Variants in PCOLCE observed in about 807,000 individuals in gnomAD.
The protein encoded by PCOLCE is procollagen C-endopeptidase enhancer 1.
Under a neutral mutation model 47.2 loss-of-function variants are expected in PCOLCE, and 33 were observed. That is an observed-to-expected ratio of 0.70 (90% CI 0.53 to 0.93). PCOLCE has a LOEUF of 0.93. Ranked by LOEUF, PCOLCE falls within the 40% of genes least tolerant of loss-of-function variation. The pLI is 0.00. For missense variants in PCOLCE, 584 were observed against 585.3 expected (o/e 1.00, Z 0.02); for synonymous variants, 254 against 252.5 (o/e 1.01, Z -0.06).
In PCOLCE at chr7:100,602,433, C is replaced by A; in HGVS notation, c.-24C>A. 6.6e-7 allele frequency: 1 copy of A among 1,509,762 alleles called. No homozygotes were observed. Among genetic ancestry groups the A allele is most frequent in the African/African-American group, 1.4e-5 (1 of 73,128 alleles). 93.5% of individuals were successfully genotyped at this position (1,509,762 alleles called of 1,614,324 possible). Reference sequence around the variant, plus strand: ...TCAGCTGCTGCCTCTGTCTTGAGGACCCCAGCGCCTTTCCCCCGGGGCCAT... The same window carrying A: ...TCAGCTGCTGCCTCTGTCTTGAGGAACCCAGCGCCTTTCCCCCGGGGCCAT... On this transcript the variant is annotated 5_prime_UTR_variant, in exon 1 of 9. Transcript: ENST00000223061.
intron 1 of PCOLCE, chr7:100,603,101 C>G: frequency 3.5e-6 from 1 of 284,666 alleles, no homozygotes; most frequent in Non-Finnish European, 6.5e-6. Flanking sequence ...CGGCTCCTGT[C>G]CCTGGACTGC....
rs1311787241 is a variant in PCOLCE, at chr7:100,607,651, G to C, written c.1027G>C (p.Val343Leu). ...TTCTCCCACAGTGGTGACTGCGACA[G>C]TGAAGTCCATGGTTCGGGAGCCAGG... ...CASSLVVTAT[V>L]KSMVREPGEG... The change falls in exon 8 of 9, where the codon GTG becomes CTG. Residue 343 changes from valine to leucine, a missense_variant. Coordinates refer to ENST00000223061, the MANE Select transcript of PCOLCE (RefSeq NM_002593.4). 16 of 1,613,970 alleles carry C rather than the reference G, an allele frequency of 9.9e-6. No individual in the cohort carries two copies. The highest frequency in any genetic ancestry group is 1.3e-5 in the Non-Finnish European group (15 of 1,179,992).
chr7:100,602,814 T>G, intron 1 of PCOLCE: 3 of 518,760 alleles, frequency 5.8e-6, no homozygotes, highest in South Asian at 2.5e-5. Context: ...TGACCCCCCA[T>G]AGAACCCAAG....
chr7:100,606,666 T>G (rs1399027633), intron 6 of PCOLCE, 36 bp downstream of exon 6: 3 of 1,501,620 alleles, frequency 2.0e-6, no homozygotes, highest in Middle Eastern at 3.5e-4. Context: ...GGAAACAGAC[T>G]GAAGGGGGCC....
chr7:100,605,324 C>T lies in PCOLCE; in HGVS notation c.588+109C>T. On this transcript the variant is annotated intron_variant, in intron 4 of 8. Coordinates refer to ENST00000223061, the MANE Select transcript of PCOLCE (RefSeq NM_002593.4). This position sits in a 1 kb window ranked among gnomAD's most constrained non-coding sequence, Gnocchi z 6.1. ...TGCTGTGTCCCGAGCACTGCGCTTG[C>T]GCTGGTGGGCACCCAAAACAGCCCC... 1.7e-6 allele frequency: 2 copies of T among 1,172,532 alleles called. No individual in the cohort carries two copies. The highest frequency in any genetic ancestry group is 2.4e-6 in the Non-Finnish European group (2 of 840,198). 72.6% of individuals were successfully genotyped at this position (1,172,532 alleles called of 1,614,324 possible).
In PCOLCE at chr7:100,605,818, G is replaced by C; in HGVS notation, c.725+6G>C. 6.4e-7 allele frequency: 1 copy of C among 1,551,346 alleles called. No homozygotes were observed. The highest frequency in any genetic ancestry group is 8.7e-7 in the Non-Finnish European group (1 of 1,147,136). ...TGCGGCGACGCAGTCCCGGGGTGAGGGGCGGGACCTGGGCGAGTCCGGGAG... is the reference window on the plus strand; with the variant it reads ...TGCGGCGACGCAGTCCCGGGGTGAGCGGCGGGACCTGGGCGAGTCCGGGAG... On this transcript the variant is annotated splice_donor_region_variant and intron_variant, in intron 5 of 8. Transcript: ENST00000223061. The surrounding 1 kb of genome is among the most constrained non-coding windows in gnomAD (Gnocchi z 6.1).
At chr7:100,607,089 T>TAAAAAAA (rs1802729033) in intron 6 of PCOLCE, among the ~76,000 whole-genome samples, 1 of 84,450 alleles carries the variant, frequency 1.2e-5, no homozygotes, top group African/African-American at 4.7e-5. Context: ...AGATTCTGTC[T>TAAAAAAA]CAAAAAAAAA....
Position 100,608,114 on chromosome 7 carries a change from A to G in PCOLCE, c.*11A>G. On this transcript the variant is annotated 3_prime_UTR_variant, in exon 9 of 9. Coordinates refer to ENST00000223061, the MANE Select transcript of PCOLCE (RefSeq NM_002593.4). The stretch of plus-strand genomic sequence containing the variant: ...GCGTCCCAGGACTGAGACGCAGGCC[A>G]GCCCCGGCCCCTAGCCCTCAGGCCT... The G allele has an allele frequency of 1.2e-6, 2 of 1,611,224 alleles. No individual in the cohort carries two copies. The highest frequency in any genetic ancestry group is 1.7e-6 in the Non-Finnish European group (2 of 1,178,504).
Position 100,607,745 on chromosome 7 carries a change from C to T in PCOLCE, c.1121C>T (p.Pro374Leu), listed in dbSNP as rs955645778. ...ACTGGAGGACTGGACCTGCCTTCTC[C>T]ACCCACTGGTGCCTCCCTGAAGTTT... ...YKTGGLDLPS[P>L]PTGASLKFYV... The change falls in exon 8 of 9, where the codon CCA becomes CTA. Residue 374 changes from proline (P) to leucine (L), a missense_variant. Transcript: ENST00000223061. The T allele has an allele frequency of 1.2e-6, 2 of 1,613,738 alleles. No homozygotes were observed. The highest frequency in any genetic ancestry group is 8.5e-7 in the Non-Finnish European group (1 of 1,179,936).
In PCOLCE at chr7:100,605,144, C is replaced by A; in HGVS notation, c.517C>A (p.Pro173Thr). Residue 173 changes from proline to threonine, a missense_variant, in exon 4 of 9, where the codon CCC becomes ACC. Transcript: ENST00000223061. The surrounding 1 kb of genome is among the most constrained non-coding windows in gnomAD (Gnocchi z 6.1). ...GAAGGCCCAGGGAACCCTGACCACGCCCAACTGGCCCGAGTCCGATTACCC... is the reference window on the plus strand; with the variant it reads ...GAAGGCCCAGGGAACCCTGACCACGACCAACTGGCCCGAGTCCGATTACCC... ...LEKAQGTLTT[P>T]NWPESDYPPG... 6.2e-7 allele frequency: 1 copy of A among 1,613,022 alleles called. No homozygotes were observed. The highest frequency in any genetic ancestry group is 8.5e-7 in the Non-Finnish European group (1 of 1,179,652).
chr7:100,605,050 C>G lies in PCOLCE; in HGVS notation c.464-41C>G. On this transcript the variant is annotated intron_variant, in intron 3 of 8. Coordinates refer to ENST00000223061, the MANE Select transcript of PCOLCE (RefSeq NM_002593.4). The surrounding 1 kb of genome is among the most constrained non-coding windows in gnomAD (Gnocchi z 6.1). ...AGTTCTCCTGAAGCTGACCGAGGGTCTCCACCGCCCCCCACCCCCGCTCCT... is the reference window on the plus strand; with the variant it reads ...AGTTCTCCTGAAGCTGACCGAGGGTGTCCACCGCCCCCCACCCCCGCTCCT... 6.6e-7 allele frequency: 1 copy of G among 1,519,188 alleles called. No individual in the cohort carries two copies. Among genetic ancestry groups the G allele is most frequent in the Non-Finnish European group, 9.1e-7 (1 of 1,100,734 alleles). The allele number at this position is 1,519,188 out of a possible 1,614,324, so 94.1% of individuals were successfully genotyped here.
chr7:100,604,289 A>C lies in PCOLCE; in HGVS notation c.463+72A>C, dbSNP rs1284946388. ...CGGCCGCAGCCCCGCCCCCAGCCCT[A>C]ACCTCCGCCCCGCCCACCCCGCGCC... On this transcript the variant is annotated intron_variant, in intron 3 of 8. Transcript: ENST00000223061. The surrounding 1 kb of genome is among the most constrained non-coding windows in gnomAD (Gnocchi z 6.4). 11 of 1,306,164 alleles carry C rather than the reference A, an allele frequency of 8.4e-6. No individual in the cohort carries two copies. In the African/African-American group the frequency reaches 1.8e-4, roughly 22 times the overall value. The allele number at this position is 1,306,164 out of a possible 1,614,324, so 80.9% of individuals were successfully genotyped here. A position where few individuals can be genotyped will look rare whatever the true frequency, so the allele number is the denominator to read the frequency against.
rs1364978728 is a variant in PCOLCE, at chr7:100,606,553, G to C, written c.863G>C (p.Arg288Pro). The change falls in exon 6 of 9, where the codon CGG becomes CCG. Residue 288 changes from arginine (R) to proline (P), a missense_variant. Physicochemically the swap from Arg to Pro is moderately radical, Grantham distance 103 (BLOSUM62 -2). Coordinates refer to ENST00000223061, the MANE Select transcript of PCOLCE (RefSeq NM_002593.4). ...GAAGGGCAAGGGCCCGGCCCCAAAC[G>C]GGGAACTGAGCCTAAAGTCAAGCTG... is the stretch of plus-strand genomic sequence containing the variant. Reference protein sequence around the residue: ...AKEGQGPGPKRGTEPKVKLPP... With the variant: ...AKEGQGPGPKPGTEPKVKLPP... 1 of 1,614,192 alleles carries C rather than the reference G, an allele frequency of 6.2e-7. No homozygotes were observed.
intron 2 of PCOLCE, 142 bp from the exon 3 acceptor site, chr7:100,603,817 G>C (rs1404788424): frequency 1.1e-6 from 1 of 910,260 alleles, no homozygotes; most frequent in Admixed American, 2.4e-5. Flanking sequence ...GCAGAGACCA[G>C]GCCCTCTGCT....
At chr7:100,607,400 G>A in intron 6 of PCOLCE, 52 bp from the exon 7 acceptor site, 2 of 1,424,214 alleles carry the variant, frequency 1.4e-6, no homozygotes, top group Non-Finnish European at 2.0e-6. Context: ...TATGGGGACA[G>A]TGCTCCCTCC....
rs143723710 is a variant in PCOLCE, at chr7:100,607,320, G to A, written c.941-132G>A. On this transcript the variant is annotated intron_variant, in intron 6 of 8. Transcript: ENST00000223061. ...TACTCACTGGTGCCTCCTTCCTGCC[G>A]ATGACCCCTACTGGGTGCTAGGACC... 3,908 of 677,192 alleles carry A rather than the reference G, an allele frequency of 5.8e-3. 23 individuals are homozygous for A. Among genetic ancestry groups the A allele is most frequent in the Non-Finnish European group, 8.3e-3 (3,146 of 378,580 alleles). The allele number at this position is 677,192 out of a possible 1,614,324, so 41.9% of individuals were successfully genotyped here.
At chr7:100,602,755 C>G in intron 1 of PCOLCE, 2 of 586,216 alleles carry the variant, frequency 3.4e-6, no homozygotes, top group Non-Finnish European at 6.1e-6. Context: ...CTCCCATTCC[C>G]CCACCTTCGT....
chr7:100,604,521 C>T lies in PCOLCE; in HGVS notation c.463+304C>T. 2.0e-6 allele frequency: 1 copy of T among 494,342 alleles called. No homozygotes were observed. The highest frequency in any genetic ancestry group is 3.7e-6 in the Non-Finnish European group (1 of 270,494). The allele number at this position is 494,342 out of a possible 1,614,324, so 30.6% of individuals were successfully genotyped here. A position where few individuals can be genotyped will look rare whatever the true frequency, so the allele number is the denominator to read the frequency against. On this transcript the variant is annotated intron_variant, in intron 3 of 8. Coordinates refer to ENST00000223061, the MANE Select transcript of PCOLCE (RefSeq NM_002593.4). The surrounding 1 kb of genome is among the most constrained non-coding windows in gnomAD (Gnocchi z 6.4). ...TGGGACGGTGAGTAACTGCCGGCCCCCGTCCGCAATCGGGCTCCCTCCGTC... is the reference window on the plus strand; with the variant it reads ...TGGGACGGTGAGTAACTGCCGGCCCTCGTCCGCAATCGGGCTCCCTCCGTC...
rs1802650348 is a variant in PCOLCE, at chr7:100,603,559, C to T, written c.204+21C>T. On this transcript the variant is annotated intron_variant, in intron 2 of 8. Transcript: ENST00000223061. ...TAACGGTGAGAAACCCCTCTGGGCA[C>T]TACCCCTTGTTAAAGTCTCAGAGGC... The T allele has an allele frequency of 3.8e-6, 5 of 1,324,476 alleles. No individual in the cohort carries two copies. The African/African-American group carries it at 5.9e-5, about 16-fold the overall frequency. The allele number at this position is 1,324,476 out of a possible 1,614,324, so 82.0% of individuals were successfully genotyped here. A position where few individuals can be genotyped will look rare whatever the true frequency, so the allele number is the denominator to read the frequency against.
Sources: gnomAD v4.1 joint callset for allele counts (sites outside exome capture counted in the v4.1 genomes callset) on GRCh38, gnomAD v4.1.1 for gene constraint, Gnocchi (gnomAD v3.1) non-coding constraint, MANE v1.5 for transcripts, NCBI Gene and HGNC (gene_info 2026-07-23, HGNC 2026-07-21) for gene names.